Variants in CHN2 observed in about 807,000 individuals in gnomAD.
CHN2 encodes chimerin 2.
A neutral mutation model predicts 56.3 loss-of-function variants in CHN2; 35 were observed. The observed-to-expected ratio is 0.62, with a 90% confidence interval of 0.47 to 0.82. The LOEUF (loss-of-function observed/expected upper bound fraction) is 0.82, where lower values mean the gene tolerates loss of function less well. Among genes scored for constraint, CHN2 ranks in the 40% least tolerant of loss-of-function variants. CHN2 has a pLI of 0.00. For synonymous variants in CHN2, 210 were observed against 212.8 expected (o/e 0.99, Z 0.12); for missense variants, 491 against 580.5 (o/e 0.85, Z 1.58).
intron 8 of CHN2, 35 bp from the exon 9 acceptor site, chr7:29,499,832 G>A (rs1789747670): frequency 6.6e-7 from 1 of 1,512,738 alleles, no homozygotes; most frequent in Non-Finnish European, 8.9e-7. Flanking sequence ...TGACAAAAGG[G>A]CTGGGCTAGG....
At chr7:29,466,323 G>C (rs1042876326) in intron 6 of CHN2, among the ~76,000 whole-genome samples, 1 of 152,192 alleles carries the variant, frequency 6.6e-6, no homozygotes, top group African/African-American at 2.4e-5. Flanking sequence ...TCTGGGTGTA[G>C]ATAAATTTAT....
chr7:29,405,368 G>A (rs1436274630), intron 6 of CHN2, among the ~76,000 whole-genome samples: 1 of 152,206 alleles, frequency 6.6e-6, no homozygotes, highest in Non-Finnish European at 1.5e-5. Flanking sequence ...AGAGCGTAAT[G>A]ATAGCACAGG....
chr7:29,429,973 G>A (rs907888406), intron 6 of CHN2, among the ~76,000 whole-genome samples: 1 of 152,192 alleles, frequency 6.6e-6, no homozygotes, highest in African/African-American at 2.4e-5. Context: ...AAGAATAGAA[G>A]CACGCTGTTC....
At chr7:29,330,833 A>G (rs544855061) in intron 1 of CHN2, among the ~76,000 whole-genome samples, 1 of 152,336 alleles carries the variant, frequency 6.6e-6, no homozygotes, top group Admixed American at 6.5e-5. Flanking sequence ...CGTTGCATAC[A>G]GTGAGTCCAT....
intron 1 of CHN2, among the ~76,000 whole-genome samples, chr7:29,214,594 C>T (rs1373003302): frequency 6.6e-6 from 1 of 152,140 alleles, no homozygotes; most frequent in Non-Finnish European, 1.5e-5. Flanking sequence ...TCTTCACCAA[C>T]AGTTTATTGG....
chr7:29,307,597 A>T (rs559090000), intron 1 of CHN2, among the ~76,000 whole-genome samples: 5 of 152,342 alleles, frequency 3.3e-5, no homozygotes, highest in Non-Finnish European at 5.9e-5. Flanking sequence ...GTGTAATCAC[A>T]AGAGCCCATT....
intron 6 of CHN2, among the ~76,000 whole-genome samples, chr7:29,476,445 G>T (rs1232085710): frequency 2.0e-5 from 3 of 151,588 alleles, no homozygotes; most frequent in Non-Finnish European, 4.4e-5. Flanking sequence ...TCTGACGCAA[G>T]AGAATCACTT....
chr7:29,198,405 A>G lies in CHN2; in HGVS notation c.49+3415A>G, dbSNP rs3812397. On this transcript the variant is annotated intron_variant, in intron 1 of 12. Transcript: ENST00000222792. ...ATCGCCCAAATGTGTCATTTATTCT[A>G]TGGTACCAACTGAGACATAACAAAT... Among the ~76,000 whole-genome samples the G allele has an allele frequency of 7.9e-5, 12 of 152,338 alleles. No individual in the cohort carries two copies. In the East Asian group the frequency reaches 1.7e-3, roughly 22 times the overall value.
intron 2 of CHN2, among the ~76,000 whole-genome samples, chr7:29,155,593 G>A (rs941122981): frequency 6.6e-6 from 1 of 152,152 alleles, no homozygotes; most frequent in African/African-American, 2.4e-5. Context: ...CACCAAAACT[G>A]CCATTTTTCT....
At chr7:29,202,609 A>C (rs947731220) in intron 1 of CHN2, among the ~76,000 whole-genome samples, 1 of 152,218 alleles carries the variant, frequency 6.6e-6, no homozygotes, top group Non-Finnish European at 1.5e-5. Context: ...GACATAACTT[A>C]GATCATTGAT....
chr7:29,382,051 T>A (rs568686238), intron 3 of CHN2, among the ~76,000 whole-genome samples: 104 of 152,266 alleles, frequency 6.8e-4, no homozygotes, highest in African/African-American at 2.4e-3. Context: ...CCTCTGGAAA[T>A]GGATATAACT....
intron 1 of CHN2, among the ~76,000 whole-genome samples, chr7:29,206,619 C>T (rs942221109): frequency 6.6e-6 from 1 of 152,076 alleles, no homozygotes; most frequent in Non-Finnish European, 1.5e-5. Context: ...GTACTTGCAA[C>T]AGGAGACTCT....
intron 12 of CHN2, 104 bp downstream of exon 12, chr7:29,509,510 A>G: frequency 1.1e-6 from 1 of 879,062 alleles, no homozygotes; most frequent in Non-Finnish European, 1.8e-6. Flanking sequence ...CTGGAGTTTC[A>G]CTGTGCCAGG....
At chr7:29,186,263 AT>A (rs1454866627) in intron 2 of CHN2, among the ~76,000 whole-genome samples, 1 of 152,018 alleles carries the variant, frequency 6.6e-6, no homozygotes, top group African/African-American at 2.4e-5. Context: ...CAAAAAAAAA[AT>A]GACAGTATCA....
In CHN2 at chr7:29,263,838, G is replaced by A. The variant is rs1789817472; in HGVS notation, c.49+68848G>A. Among the ~76,000 whole-genome samples, 5 of 147,264 alleles carry A rather than the reference G, an allele frequency of 3.4e-5. No homozygotes were observed. In the South Asian group the frequency reaches 8.8e-4, roughly 26 times the overall value. ...AGGGGCGTCTCTGACCGGCCGCCTC[G>A]TCTGAGAAGTGAGGAGCCCCTCCGC... On this transcript the variant is annotated intron_variant, in intron 1 of 12. Coordinates refer to ENST00000222792, the MANE Select transcript of CHN2 (RefSeq NM_004067.4).
chr7:29,378,348 C>G (rs1012627331), intron 3 of CHN2, among the ~76,000 whole-genome samples: 3 of 152,126 alleles, frequency 2.0e-5, no homozygotes, highest in African/African-American at 7.2e-5. Context: ...ATAAAAAGGC[C>G]TTTGAGGCAT....
intron 11 of CHN2, among the ~76,000 whole-genome samples, chr7:29,508,418 TAAA>T (rs5883218): frequency 0.018 from 2,556 of 145,084 alleles, 47 homozygotes; most frequent in East Asian, 0.051. Flanking sequence ...TGTTTTTATT[TAAA>T]AAAAAAAAAA....
chr7:29,304,782 C>T (rs1327802597), intron 1 of CHN2, among the ~76,000 whole-genome samples: 1 of 152,130 alleles, frequency 6.6e-6, no homozygotes, highest in African/African-American at 2.4e-5. Context: ...CAGCCTCTTG[C>T]CCCAGGCCCA....
chr7:29,377,687 C>T (rs984767381), intron 3 of CHN2, among the ~76,000 whole-genome samples: 15 of 152,250 alleles, frequency 9.9e-5, no homozygotes, highest in African/African-American at 3.4e-4. Context: ...CAGTCTACCA[C>T]TCGCCTGGCA....
Sources: allele counts gnomAD v4.1 joint callset (sites outside exome capture counted in the v4.1 genomes callset), GRCh38; gene constraint gnomAD v4.1.1; transcripts MANE v1.5; gene names NCBI Gene and HGNC (gene_info 2026-07-23, HGNC 2026-07-21).